The following ZNG1F variants were observed in gnomAD, a reference collection of about 807,000 sequenced individuals.
ZNG1F encodes the protein zinc-regulated GTPase metalloprotein activator 1F.
the ZNG1F span, chr9:41,183,681 T>A: frequency 2.3e-5 from 37 of 1,606,058 alleles, 1 homozygote; most frequent in Non-Finnish European, 3.1e-5. Flanking sequence ...TAACAAACAA[T>A]AAATAAACAA....
At chr9:41,173,987 C>A in the ZNG1F span, among the ~76,000 whole-genome samples, 1 of 148,906 alleles carries the variant, frequency 6.7e-6, no homozygotes, top group Admixed American at 6.8e-5. Context: ...TTTGGGAGGC[C>A]AAGGCTGGCG....
the ZNG1F span, among the ~76,000 whole-genome samples, chr9:41,144,494 G>A: frequency 7.2e-6 from 1 of 139,440 alleles, no homozygotes; most frequent in Non-Finnish European, 1.6e-5. Context: ...AAGTTTCACA[G>A]GGAAAGGTGC....
chr9:41,173,997 G>A, the ZNG1F span, among the ~76,000 whole-genome samples: 48 of 149,040 alleles, frequency 3.2e-4, 2 homozygotes, highest in South Asian at 7.0e-3. Context: ...CAAGGCTGGC[G>A]GATCACCTGA....
At chr9:41,157,391 G>A in the ZNG1F span, 4 of 139,338 alleles carry the variant, frequency 2.9e-5, no homozygotes, top group Admixed American at 7.2e-5. Flanking sequence ...TTGAACCTAG[G>A]AAGTGGAGGT....
the ZNG1F span, chr9:41,165,070 T>C: frequency 1.9e-6 from 3 of 1,580,224 alleles, no homozygotes; most frequent in Non-Finnish European, 2.6e-6. Flanking sequence ...GAGAATGATA[T>C]CTGCCAAAGC....
chr9:41,191,118 G>A, the ZNG1F span, among the ~76,000 whole-genome samples: 3 of 131,034 alleles, frequency 2.3e-5, no homozygotes, highest in Admixed American at 1.7e-4. Flanking sequence ...ACTGTATTCT[G>A]CCAAAGGAGA....
chr9:41,155,336 A>C, the ZNG1F span, among the ~76,000 whole-genome samples: 3 of 150,110 alleles, frequency 2.0e-5, no homozygotes, highest in Admixed American at 1.4e-4. Flanking sequence ...AATGGCGATC[A>C]TTAAAAAGTC....
chr9:41,136,966 C>A, the ZNG1F span, among the ~76,000 whole-genome samples: 1 of 67,680 alleles, frequency 1.5e-5, no homozygotes, highest in Admixed American at 1.8e-4. Flanking sequence ...TTTCATTTAT[C>A]TTTTGGATTT....
At chr9:41,201,222 A>G in the ZNG1F span, among the ~76,000 whole-genome samples, 1 of 147,516 alleles carries the variant, frequency 6.8e-6, no homozygotes, top group Non-Finnish European at 1.5e-5. Flanking sequence ...TTGTATGTGC[A>G]TGGGCATATA....
At chr9:41,199,764 G>A in the ZNG1F span, among the ~76,000 whole-genome samples, 1 of 152,106 alleles carries the variant, frequency 6.6e-6, no homozygotes, top group Non-Finnish European at 1.5e-5. Context: ...TACATCTTCT[G>A]ATATCTAGGC....
At chr9:41,175,158 T>C in the ZNG1F span, among the ~76,000 whole-genome samples, 2 of 148,858 alleles carry the variant, frequency 1.3e-5, no homozygotes, top group South Asian at 2.1e-4. Flanking sequence ...TCTAAAGCTG[T>C]CCACCTGCTC....
chr9:41,201,427 A>T, the ZNG1F span, among the ~76,000 whole-genome samples: 2 of 147,826 alleles, frequency 1.4e-5, no homozygotes, highest in Non-Finnish European at 3.0e-5. Flanking sequence ...TTTGCATCCT[A>T]TTACTGGTTA....
the ZNG1F span, among the ~76,000 whole-genome samples, chr9:41,173,888 T>C: frequency 1.5e-4 from 22 of 148,670 alleles, 2 homozygotes; most frequent in East Asian, 3.7e-3. Flanking sequence ...AGTTATAATA[T>C]GAATGAACAA....
chr9:41,193,013 G>A, the ZNG1F span, among the ~76,000 whole-genome samples: 1 of 151,586 alleles, frequency 6.6e-6, no homozygotes, highest in African/African-American at 2.4e-5. Context: ...TAGGCACTGT[G>A]TTAAGCACAT....
the ZNG1F span, among the ~76,000 whole-genome samples, chr9:41,154,664 T>C: frequency 2.0e-5 from 3 of 147,680 alleles, no homozygotes; most frequent in African/African-American, 5.0e-5. Context: ...GAGATATAGA[T>C]CAATGGAACA....
the ZNG1F span, chr9:41,183,495 A>T: frequency 1.4e-6 from 2 of 1,457,870 alleles, no homozygotes; most frequent in Non-Finnish European, 1.8e-6. Context: ...TACTCAAGAA[A>T]ATTAAAGCTG....
chr9:41,148,759 G>T, the ZNG1F span, among the ~76,000 whole-genome samples: 1 of 131,804 alleles, frequency 7.6e-6, no homozygotes, highest in East Asian at 2.3e-4. Flanking sequence ...AATTCATAAA[G>T]TAAAAGGGGT....
the ZNG1F span, among the ~76,000 whole-genome samples, chr9:41,138,048 TTTG>T: frequency 7.2e-6 from 1 of 138,946 alleles, no homozygotes; most frequent in African/African-American, 2.8e-5. Flanking sequence ...TTTTTTGTTT[TTTG>T]TTGTTTTTCT....
chr9:41,164,970 C>G, the ZNG1F span: 1 of 1,573,720 alleles, frequency 6.4e-7, no homozygotes, highest in Non-Finnish European at 8.6e-7. Context: ...CAATATGGAT[C>G]TGTAGGCACT....
Sources: allele counts gnomAD v4.1 joint callset (sites outside exome capture counted in the v4.1 genomes callset), GRCh38; gene constraint gnomAD v4.1.1; transcripts MANE v1.5; gene names NCBI Gene and HGNC (gene_info 2026-07-23, HGNC 2026-07-21).